Variants in ARHGEF11 observed in about 807,000 individuals in gnomAD.
The protein encoded by ARHGEF11 is Rho guanine exchange factor (GEF) 11.
Under a neutral mutation model 193.7 loss-of-function variants are expected in ARHGEF11, and 55 were observed. The observed-to-expected ratio is 0.28, with a 90% CI of 0.23 to 0.36. The LOEUF (loss-of-function observed/expected upper bound fraction) is 0.36, where lower values mean the gene tolerates loss of function less well. Among genes scored for constraint, ARHGEF11 ranks in the 10% least tolerant of loss-of-function variants. The pLI, the probability that ARHGEF11 is intolerant of heterozygous loss-of-function variation, is 1.00. For synonymous variants in ARHGEF11, 693 were observed against 768.0 expected, an observed-to-expected ratio of 0.90 and a Z score of 1.62; for missense variants, 1,723 against 2,005.6, an observed-to-expected ratio of 0.86 and a Z score of 2.69.
intron 40 of ARHGEF11, among the ~76,000 whole-genome samples, chr1:156,936,497 A>AATATATATATATATATAT (rs1553192804): frequency 1.2e-4 from 4 of 33,928 alleles, no homozygotes; most frequent in East Asian, 2.2e-3. Context: ...AAAAAAAAAA[A>AATATATATATATATATAT]ATATATATAT....
chr1:156,986,998 C>T (rs540136470), intron 1 of ARHGEF11, among the ~76,000 whole-genome samples: 2 of 152,296 alleles, frequency 1.3e-5, no homozygotes, highest in South Asian at 2.1e-4. Flanking sequence ...TACTAAAGAC[C>T]CCAAACCTTC....
chr1:157,033,741 T>A (rs1229660981), intron 1 of ARHGEF11, among the ~76,000 whole-genome samples: 1 of 152,192 alleles, frequency 6.6e-6, no homozygotes, highest in East Asian at 1.9e-4. Context: ...CACACCACCA[T>A]GCTCTTTCTT....
chr1:156,971,945 G>T, intron 7 of ARHGEF11, 129 bp from the exon 8 acceptor site: 2 of 1,132,056 alleles, frequency 1.8e-6, no homozygotes, highest in Non-Finnish European at 2.4e-6. Flanking sequence ...AGAGGTCTCT[G>T]CCTCCAAGTA....
chr1:157,017,445 T>C (rs1234328771), intron 1 of ARHGEF11, among the ~76,000 whole-genome samples: 1 of 152,156 alleles, frequency 6.6e-6, no homozygotes, highest in Non-Finnish European at 1.5e-5. Flanking sequence ...CAGTGGCTCA[T>C]GCCTGCAAAC....
Position 156,947,294 on chromosome 1 carries a change from G to A in ARHGEF11, c.2488+10C>T. 2 of 1,596,882 alleles carry A rather than the reference G, an allele frequency of 1.3e-6. No homozygotes were observed. Among genetic ancestry groups the A allele is most frequent in the Non-Finnish European group, 1.7e-6 (2 of 1,173,558 alleles). On this transcript the variant is annotated intron_variant, in intron 26 of 40. Transcript: ENST00000368194. ...CAGAAGAGGAGTCTGGAGGGGCACA[G>A]GCTCCTTACTGTGAATCTCTATGAG...
At chr1:156,999,328 A>T (rs1267687662) in intron 1 of ARHGEF11, among the ~76,000 whole-genome samples, 1 of 152,184 alleles carries the variant, frequency 6.6e-6, no homozygotes, top group Non-Finnish European at 1.5e-5. Context: ...ACACAAGTTC[A>T]AGTGTGTCTG....
In ARHGEF11 at chr1:156,942,690, G is replaced by A. The variant is rs765107927; in HGVS notation, c.3326C>T (p.Thr1109Ile). 2.0e-5 allele frequency: 32 copies of A among 1,613,560 alleles called. No homozygotes were observed. The highest frequency in any genetic ancestry group is 2.4e-5 in the Non-Finnish European group (28 of 1,179,458). ...GGGTAACCCCTCAATCAATTCTCACGTGTTCTTGTCTGATGACGTCAATGC... is the reference window on the plus strand; with the variant it reads ...GGGTAACCCCTCAATCAATTCTCACATGTTCTTGTCTGATGACGTCAATGC... ...LVALTSSDKN[T>I]WMELLEEAVR... is the part of the protein sequence containing the mutation. Residue 1109 changes from threonine (T) to isoleucine (I), a missense_variant and splice_region_variant, in exon 33 of 41, where the codon ACA becomes ATA. Transcript: ENST00000368194.
At chr1:156,996,123 G>C (rs1666449711) in intron 1 of ARHGEF11, among the ~76,000 whole-genome samples, 1 of 152,144 alleles carries the variant, frequency 6.6e-6, no homozygotes, top group Non-Finnish European at 1.5e-5. Flanking sequence ...TAATAAACTA[G>C]AAGGGTGTTA....
At chr1:156,973,322 C>G (rs1662783063) in intron 7 of ARHGEF11, among the ~76,000 whole-genome samples, 1 of 152,172 alleles carries the variant, frequency 6.6e-6, no homozygotes, top group Non-Finnish European at 1.5e-5. Flanking sequence ...AGTTTCCTCC[C>G]ATTACTGCGC....
intron 1 of ARHGEF11, among the ~76,000 whole-genome samples, chr1:157,011,717 G>A (rs1668566451): frequency 6.6e-6 from 1 of 152,172 alleles, no homozygotes; most frequent in African/African-American, 2.4e-5. Flanking sequence ...TGGCCTATAT[G>A]CATATGGAAG....
At position 156,939,929 on chromosome 1, in the gene ARHGEF11, GA is replaced by G; in HGVS notation, c.3734-20del. 1 of 1,597,996 alleles carries G rather than the reference GA, an allele frequency of 6.3e-7. No homozygotes were observed. Among genetic ancestry groups the G allele is most frequent in the African/African-American group, 1.3e-5 (1 of 74,770 alleles). On this transcript the variant is annotated intron_variant, in intron 36 of 40. Transcript: ENST00000368194. The stretch of plus-strand genomic sequence containing the variant: ...TTCTCCACTGGAGGGGAAACAGGGT[GA>G]TGTCTTCCCAGCATGGGACTGCACA...
At chr1:157,006,125 C>T (rs1404893560) in intron 1 of ARHGEF11, among the ~76,000 whole-genome samples, 1 of 152,120 alleles carries the variant, frequency 6.6e-6, no homozygotes, top group East Asian at 1.9e-4. Context: ...GCAGCCAGGA[C>T]ATCACAAATC....
intron 1 of ARHGEF11, among the ~76,000 whole-genome samples, chr1:156,990,938 C>T (rs1057057928): frequency 6.6e-6 from 1 of 152,200 alleles, no homozygotes; most frequent in African/African-American, 2.4e-5. Flanking sequence ...CTGCTAGGTA[C>T]TCATTGCTGC....
chr1:157,040,437 T>C (rs921277342), intron 1 of ARHGEF11, among the ~76,000 whole-genome samples: 3 of 152,212 alleles, frequency 2.0e-5, no homozygotes, highest in African/African-American at 7.2e-5. Flanking sequence ...AGTCATACGC[T>C]TTTAAGACAA....
intron 1 of ARHGEF11, among the ~76,000 whole-genome samples, chr1:157,013,297 A>ACACACACACACACACACACACACC: frequency 6.7e-6 from 1 of 150,310 alleles, no homozygotes; most frequent in South Asian, 2.2e-4. Context: ...ACACACACAC[A>ACACACACACACACACACACACACC]CACCAAGAAC....
At chr1:156,959,924 A>T (rs1379808521) in intron 15 of ARHGEF11, among the ~76,000 whole-genome samples, 4 of 77,060 alleles carry the variant, frequency 5.2e-5, no homozygotes, top group Non-Finnish European at 7.5e-5. Context: ...AACAAAAATA[A>T]CCCCCCCTCC....
chr1:156,964,714 C>T (rs2102225905), intron 11 of ARHGEF11, among the ~76,000 whole-genome samples: 1 of 152,270 alleles, frequency 6.6e-6, no homozygotes, highest in African/African-American at 2.4e-5. Flanking sequence ...GACTGGTGTG[C>T]TCAAAGCTGC....
chr1:156,963,131 G>T lies in ARHGEF11; in HGVS notation c.1140+72C>A. ...TCTGACTTGTAACAGCCAGGGAGCAGAAACAGAGGCTAGAGGTCCTCTCTG... is the reference window on the plus strand; with the variant it reads ...TCTGACTTGTAACAGCCAGGGAGCATAAACAGAGGCTAGAGGTCCTCTCTG... On this transcript the variant is annotated intron_variant, in intron 13 of 40. Transcript: ENST00000368194. 5 of 1,226,292 alleles carry T rather than the reference G, an allele frequency of 4.1e-6. No homozygotes were observed. In the Admixed American group the frequency reaches 9.2e-5, roughly 22 times the overall value. 76.0% of individuals were successfully genotyped at this position (1,226,292 alleles called of 1,614,324 possible). A position where few individuals can be genotyped will look rare whatever the true frequency, so the allele number is the denominator to read the frequency against.
intron 31 of ARHGEF11, 46 bp downstream of exon 31, chr1:156,944,312 C>T (rs1657679975): frequency 6.3e-7 from 1 of 1,593,266 alleles, no homozygotes; most frequent in African/African-American, 1.3e-5. Flanking sequence ...CCAGGGAGGC[C>T]CACCCACTAC....
Sources: allele counts gnomAD v4.1 joint callset (sites outside exome capture counted in the v4.1 genomes callset), GRCh38; gene constraint gnomAD v4.1.1; transcripts MANE v1.5; gene names NCBI Gene and HGNC (gene_info 2026-07-23, HGNC 2026-07-21).